Variants in SEC14L6 observed in about 807,000 individuals in gnomAD.
The protein encoded by SEC14L6 is SEC14 like lipid binding 6, also known as SEC14-like protein 6.
A neutral mutation model predicts 54.1 loss-of-function variants in SEC14L6; 40 were observed. That is an observed-to-expected ratio of 0.74 (90% CI 0.57 to 0.96). SEC14L6 has a LOEUF of 0.96. SEC14L6 is among the 40% of genes least tolerant of loss of function. The pLI is 0.00. For missense variants in SEC14L6, 471 were observed against 498.3 expected (o/e 0.95, Z 0.52); for synonymous variants, 171 against 198.4 (o/e 0.86, Z 1.16).
chr22:30,542,973 G>A lies in SEC14L6; in HGVS notation c.54+3656C>T, dbSNP rs1034606022. 5 of 1,601,450 alleles carry A rather than the reference G, an allele frequency of 3.1e-6. No homozygotes were observed. The African/African-American group carries it at 5.4e-5, about 17-fold the overall frequency. On this transcript the variant is annotated intron_variant, in intron 1 of 11. Coordinates refer to ENST00000402034, the MANE Select transcript of SEC14L6 (RefSeq NM_001193336.4). ...AAGGGAGCCCTGACGTGGAGTTGAAGTCTGGAGCAGGCACTGAGCTGTCTG... is the reference window on the plus strand; with the variant it reads ...AAGGGAGCCCTGACGTGGAGTTGAAATCTGGAGCAGGCACTGAGCTGTCTG...
intron 6 of SEC14L6, among the ~76,000 whole-genome samples, chr22:30,530,157 C>T (rs907800858): frequency 2.0e-5 from 3 of 152,052 alleles, no homozygotes; most frequent in Admixed American, 2.0e-4. Flanking sequence ...CGCCTGTAAT[C>T]CCAAAGCACT....
At chr22:30,534,695 C>G (rs1397336934) in intron 2 of SEC14L6, among the ~76,000 whole-genome samples, 1 of 152,070 alleles carries the variant, frequency 6.6e-6, no homozygotes, top group Non-Finnish European at 1.5e-5. Context: ...AAGGTGTGAG[C>G]CACTGTGCCC....
At chr22:30,533,916 T>G in intron 3 of SEC14L6, 80 bp downstream of exon 3, 2 of 1,258,728 alleles carry the variant, frequency 1.6e-6, no homozygotes, top group Non-Finnish European at 2.3e-6. Context: ...AATGGATGGA[T>G]GAATGAATGA....
intron 1 of SEC14L6, 104 bp downstream of exon 1, chr22:30,546,525 C>G: frequency 9.2e-7 from 1 of 1,082,096 alleles, no homozygotes; most frequent in Non-Finnish European, 1.3e-6. Context: ...GGAAGAGACC[C>G]AGAGCTGGAG....
At chr22:30,542,814 T>A (rs1417663653) in intron 1 of SEC14L6, 1 of 1,594,624 alleles carries the variant, frequency 6.3e-7, no homozygotes, top group Non-Finnish European at 8.6e-7. Context: ...TAATCTACCA[T>A]CAAAAAGAAG....
intron 1 of SEC14L6, chr22:30,542,997 T>A: frequency 6.2e-7 from 1 of 1,602,140 alleles, no homozygotes; most frequent in South Asian, 1.1e-5. Flanking sequence ...CTGAGCTGTC[T>A]GTGCGTGCCA....
At chr22:30,544,661 G>A (rs1217604370) in intron 1 of SEC14L6, among the ~76,000 whole-genome samples, 1 of 152,132 alleles carries the variant, frequency 6.6e-6, no homozygotes, top group Non-Finnish European at 1.5e-5. Context: ...AGTCCTGGAG[G>A]AGGAGAGGAT....
chr22:30,543,100 A>G (rs1234760667), intron 1 of SEC14L6: 2 of 1,601,696 alleles, frequency 1.2e-6, no homozygotes, highest in African/African-American at 1.3e-5. Flanking sequence ...CTTCTCACCC[A>G]GAGACATCAG....
At chr22:30,540,287 A>G (rs2085675755) in intron 1 of SEC14L6, among the ~76,000 whole-genome samples, 1 of 150,444 alleles carries the variant, frequency 6.6e-6, no homozygotes, top group African/African-American at 2.5e-5. Context: ...TCTGACTTCA[A>G]TTGTCTTTTA....
intron 8 of SEC14L6, 69 bp downstream of exon 8, chr22:30,529,018 G>T: frequency 7.6e-7 from 1 of 1,307,902 alleles, no homozygotes; most frequent in Non-Finnish European, 1.1e-6. Context: ...GGAACCATCA[G>T]ATCTGTGAGA....
At chr22:30,544,766 C>T (rs1265530871) in intron 1 of SEC14L6, among the ~76,000 whole-genome samples, 1 of 152,174 alleles carries the variant, frequency 6.6e-6, no homozygotes, top group Non-Finnish European at 1.5e-5. Flanking sequence ...GGACGCATCT[C>T]TCCCTTCTAG....
chr22:30,542,576 G>A (rs1010242021), intron 1 of SEC14L6: 2 of 1,446,638 alleles, frequency 1.4e-6, no homozygotes. Context: ...GCGGCCCATG[G>A]AGCCCGCGGG....
Position 30,525,475 on chromosome 22 carries a change from A to G in SEC14L6, c.956T>C (p.Phe319Ser). 1 of 1,614,104 alleles carries G rather than the reference A, an allele frequency of 6.2e-7. No homozygotes were observed. The highest frequency in any genetic ancestry group is 1.1e-5 in the South Asian group (1 of 91,082). ...SDGGDIGFGVFLKTKMGERQR... is the reference protein window; with the variant it reads ...SDGGDIGFGVSLKTKMGERQR... The stretch of plus-strand genomic sequence containing the variant: ...CCGCTCCCCCATCTTGGTCTTCAGG[A>G]AAACCCCAAAGCCAATGTCCCCACC... The change falls in exon 11 of 12, where the codon TTC becomes TCC. Residue 319 changes from phenylalanine to serine, a missense_variant. Phe to Ser is a radical substitution (Grantham distance 155). Coordinates refer to ENST00000402034, the MANE Select transcript of SEC14L6 (RefSeq NM_001193336.4).
intron 11 of SEC14L6, 62 bp from the exon 12 acceptor site, chr22:30,525,171 G>A: frequency 7.8e-7 from 1 of 1,275,248 alleles, no homozygotes; most frequent in Non-Finnish European, 1.1e-6. Flanking sequence ...TTCCATGGTG[G>A]TAAATCTCTG....
In SEC14L6 at chr22:30,525,566, G is replaced by T. The variant is rs1259262215; in HGVS notation, c.911+45C>A. On this transcript the variant is annotated intron_variant, in intron 10 of 11. Transcript: ENST00000402034. ...TGGCGACCCCCTGCCTGGGCTCCAG[G>T]CCCCTCCCAGATGTGCCCAGGTGTA... The T allele has an allele frequency of 6.8e-6, 11 of 1,610,322 alleles. No individual in the cohort carries two copies. In the Middle Eastern group the frequency reaches 1.3e-3, roughly 196 times the overall value.
chr22:30,538,944 C>A, intron 1 of SEC14L6, 42 bp from the exon 2 acceptor site: 2 of 1,393,896 alleles, frequency 1.4e-6, no homozygotes, highest in South Asian at 2.5e-5. Flanking sequence ...AGGCCAACCA[C>A]CCTCGGTCCT....
At chr22:30,532,051 A>T (rs1936995417) in intron 5 of SEC14L6, 53 bp from the exon 6 acceptor site, 1 of 1,534,104 alleles carries the variant, frequency 6.5e-7, no homozygotes, top group Non-Finnish European at 8.8e-7. Context: ...GCCCCCACCC[A>T]TCCAAGATGG....
chr22:30,543,050 C>T, intron 1 of SEC14L6: 7 of 1,597,956 alleles, frequency 4.4e-6, no homozygotes, highest in South Asian at 2.2e-5. Context: ...GCGAGGGCCA[C>T]ACCTGACCAC....
chr22:30,544,143 C>T (rs1282909191), intron 1 of SEC14L6: 6 of 1,176,868 alleles, frequency 5.1e-6, no homozygotes, highest in Admixed American at 3.9e-5. Context: ...CACAAGGAGC[C>T]GCCATGATGA....
Sources: gnomAD v4.1 joint callset for allele counts (sites outside exome capture counted in the v4.1 genomes callset) on GRCh38, gnomAD v4.1.1 for gene constraint, MANE v1.5 for transcripts, NCBI Gene and HGNC (gene_info 2026-07-23, HGNC 2026-07-21) for gene names.